C12orf42: variants seen among roughly 807,000 people sequenced by gnomAD.
C12orf42 encodes uncharacterized protein C12orf42.
A neutral mutation model predicts 21.6 loss-of-function variants in C12orf42; 25 were observed. That is an observed-to-expected ratio of 1.16 (90% CI 0.84 to 1.62). C12orf42 has a LOEUF of 1.62. Ranked by LOEUF, C12orf42 falls within the 40% of genes most tolerant of loss-of-function variation. The pLI is 0.00. For synonymous variants in C12orf42, 174 were observed against 175.0 expected, an observed-to-expected ratio of 0.99 and a Z score of 0.05; for missense variants, 483 against 459.3, an observed-to-expected ratio of 1.05 and a Z score of -0.47.
intron 5 of C12orf42, among the ~76,000 whole-genome samples, 180 bp from the exon 6 acceptor site, chr12:103,302,739 A>G (rs2037853811): frequency 6.6e-6 from 1 of 152,098 alleles, no homozygotes; most frequent in African/African-American, 2.4e-5. Flanking sequence ...TCTCTAAGAA[A>G]ACAAAAATGC....
At chr12:103,277,604 A>ATTTTCTTTTTCT (rs575550676) in intron 4 of C12orf42, among the ~76,000 whole-genome samples, 3 of 151,032 alleles carry the variant, frequency 2.0e-5, no homozygotes, top group Middle Eastern at 3.2e-3. Context: ...GATGGGCACA[A>ATTTTCTTTTTCT]TTTTCTTTTT....
At chr12:103,075,813 G>A in the C12orf42 span, among the ~76,000 whole-genome samples, 1 of 152,168 alleles carries the variant, frequency 6.6e-6, no homozygotes, top group Non-Finnish European at 1.5e-5. Flanking sequence ...AAAATGAAAG[G>A]ACACTTCAGA....
chr12:103,289,867 T>C (rs1170971101), intron 4 of C12orf42, among the ~76,000 whole-genome samples: 1 of 152,218 alleles, frequency 6.6e-6, no homozygotes, highest in Non-Finnish European at 1.5e-5. Flanking sequence ...TATAGATAAT[T>C]TCTGCTTTTT....
rs533314992 is a variant in C12orf42, at chr12:103,238,335, C to T, written c.*1367-433G>A. 2.4e-4 allele frequency among the ~76,000 whole-genome samples: 37 copies of T among 152,028 alleles called. No individual in the cohort carries two copies. The South Asian group carries it at 7.5e-3, about 31-fold the overall frequency. On this transcript the variant is annotated intron_variant and NMD_transcript_variant, in intron 10 of 10. Transcript: ENST00000547347. ...CAGCAGAGCCTAAAATACTATGATTCTTTAGAGAAGGAGTCTTCTCTAGAG... is the reference window on the plus strand; with the variant it reads ...CAGCAGAGCCTAAAATACTATGATTTTTTAGAGAAGGAGTCTTCTCTAGAG...
intron 1 of C12orf42, among the ~76,000 whole-genome samples, chr12:103,483,365 A>C (rs1954605238): frequency 6.6e-6 from 1 of 152,152 alleles, no homozygotes; most frequent in South Asian, 2.1e-4. Context: ...TGAACCTAAA[A>C]CAGCTCTAAA....
chr12:103,151,359 G>T, the C12orf42 span, among the ~76,000 whole-genome samples: 1 of 151,940 alleles, frequency 6.6e-6, no homozygotes, highest in East Asian at 1.9e-4. Flanking sequence ...TATACATATA[G>T]AAAGAATACT....
chr12:103,201,902 T>C, the C12orf42 span, among the ~76,000 whole-genome samples: 797 of 152,152 alleles, frequency 5.2e-3, 3 homozygotes, highest in African/African-American at 0.018. Flanking sequence ...AAAATAAATA[T>C]AAAATAAGCA....
chr12:103,061,512 G>A, the C12orf42 span, among the ~76,000 whole-genome samples: 1 of 149,348 alleles, frequency 6.7e-6, no homozygotes. Flanking sequence ...CTATTTCTCT[G>A]TTGGCTTCTG....
chr12:103,291,479 G>A (rs2036819111), intron 4 of C12orf42, among the ~76,000 whole-genome samples: 1 of 152,188 alleles, frequency 6.6e-6, no homozygotes, highest in African/African-American at 2.4e-5. Context: ...CAGAGCACAG[G>A]AAAATGACTG....
Position 103,368,949 on chromosome 12 carries a change from T to C in C12orf42, c.197A>G (p.Asn66Ser), listed in dbSNP as rs760102810. Residue 66 changes from asparagine to serine, a missense_variant, in exon 4 of 6, where the codon AAT becomes AGT. By Grantham distance (46) the Asn-to-Ser change is conservative (BLOSUM62 1). Coordinates refer to ENST00000548883, the MANE Select transcript of C12orf42 (RefSeq NM_198521.5). ...RTSVPCSRFINHMKNFSESPK... is the reference protein window; with the variant it reads ...RTSVPCSRFISHMKNFSESPK... ...AGATTCAGAGAAATTCTTCATGTGA[T>C]TAATGAATCTGGAGCAGGGTACTGA... The C allele has an allele frequency of 2.5e-6, 4 of 1,601,386 alleles. No homozygotes were observed. The Admixed American group carries it at 6.8e-5, about 27-fold the overall frequency.
At chr12:103,503,858 G>A in the C12orf42 span, 2 of 153,626 alleles carry the variant, frequency 1.3e-5, no homozygotes, top group Admixed American at 6.5e-5. Flanking sequence ...TGGCTGTATT[G>A]GGGTCTCATG....
At chr12:103,430,373 C>T (rs1950175761) in intron 2 of C12orf42, among the ~76,000 whole-genome samples, 1 of 152,190 alleles carries the variant, frequency 6.6e-6, no homozygotes, top group Non-Finnish European at 1.5e-5. Context: ...AGCTCATCAT[C>T]ATTGGTCATT....
chr12:103,459,562 C>T (rs1197447078), intron 2 of C12orf42, among the ~76,000 whole-genome samples: 2 of 152,192 alleles, frequency 1.3e-5, no homozygotes, highest in African/African-American at 2.4e-5. Context: ...GAAGCAGATG[C>T]TGGTGCCATG....
At chr12:103,053,603 T>C in the C12orf42 span, among the ~76,000 whole-genome samples, 1 of 152,092 alleles carries the variant, frequency 6.6e-6, no homozygotes, top group East Asian at 1.9e-4. Flanking sequence ...TTAGCTTTGA[T>C]GTGGTCTGAA....
chr12:103,390,818 A>G (rs538033067), intron 3 of C12orf42, among the ~76,000 whole-genome samples: 1 of 152,322 alleles, frequency 6.6e-6, no homozygotes, highest in South Asian at 2.1e-4. Context: ...TTTTCCACTC[A>G]TTTGTTCTAT....
At chr12:103,160,788 A>C in the C12orf42 span, among the ~76,000 whole-genome samples, 2 of 152,198 alleles carry the variant, frequency 1.3e-5, no homozygotes, top group African/African-American at 2.4e-5. Flanking sequence ...GTGACCCTGG[A>C]TGAGGCAGGC....
intron 4 of C12orf42, among the ~76,000 whole-genome samples, chr12:103,324,038 C>A (rs1207938402): frequency 6.6e-6 from 1 of 152,002 alleles, no homozygotes; most frequent in Non-Finnish European, 1.5e-5. Flanking sequence ...AACACTATGG[C>A]AAAAAAATCA....
Position 103,475,977 on chromosome 12 carries a change from C to A in C12orf42, c.78+2372G>T, listed in dbSNP as rs558996733. 3.9e-5 allele frequency among the ~76,000 whole-genome samples: 6 copies of A among 152,230 alleles called. No homozygotes were observed. The East Asian group carries it at 1.2e-3, about 29-fold the overall frequency. On this transcript the variant is annotated intron_variant, in intron 2 of 5. Coordinates refer to ENST00000548883, the MANE Select transcript of C12orf42 (RefSeq NM_198521.5). Reference sequence around the variant, plus strand: ...CCTGTTTGTCATTCCAGCCCTAGACCCTCAAGTGAACATATTCAAGTACAA... The same window carrying A: ...CCTGTTTGTCATTCCAGCCCTAGACACTCAAGTGAACATATTCAAGTACAA...
the C12orf42 span, among the ~76,000 whole-genome samples, chr12:103,124,893 C>T: frequency 3.3e-5 from 5 of 152,046 alleles, no homozygotes; most frequent in Admixed American, 3.3e-4. Context: ...ATGGTTATAT[C>T]CAGTGCTAAG....
Sources: allele counts gnomAD v4.1 joint callset (sites outside exome capture counted in the v4.1 genomes callset), GRCh38; gene constraint gnomAD v4.1.1; transcripts MANE v1.5; gene names NCBI Gene and HGNC (gene_info 2026-07-23, HGNC 2026-07-21).